The following LYRM4 variants were observed in gnomAD, a reference collection of about 807,000 sequenced individuals.
The protein encoded by LYRM4 is LYR motif-containing protein 4.
Under a neutral mutation model 11.7 loss-of-function variants are expected in LYRM4, and 9 were observed. The ratio of observed to expected loss-of-function variants is 0.77; its 90% CI spans 0.46 to 1.34. The LOEUF is 1.34. Among genes scored for constraint, LYRM4 ranks in the 40% most tolerant of loss-of-function variants. The probability of loss-of-function intolerance (pLI) is 0.00; values close to 1 mark genes in which losing one functional copy is unlikely to be tolerated. For missense variants in LYRM4, 133 were observed against 112.5 expected (o/e 1.18, Z -0.82); for synonymous variants, 42 against 40.4 (o/e 1.04, Z -0.15).
At position 5,260,689 on chromosome 6, in the gene LYRM4, C is replaced by T; in HGVS notation, c.45G>A (p.Ala15=). The T allele has an allele frequency of 9.7e-6, 15 of 1,550,434 alleles. No individual in the cohort carries two copies. The highest frequency in any genetic ancestry group is 1.2e-5 in the Non-Finnish European group (14 of 1,148,226). ...TGAAACGCTTGCTCTCTCTCAGCAT[C>T]GCCCGGTACAGAGATAACACTTGTG... The part of the protein sequence containing the change: ...SRAQVLSLYR[A]MLRESKRFSA... The change falls in exon 1 of 3, where the codon GCG becomes GCA. Residue 15 remains alanine (A), a synonymous_variant. Coordinates refer to ENST00000330636, the MANE Select transcript of LYRM4 (RefSeq NM_020408.6).
At position 5,109,304 on chromosome 6, in the gene LYRM4, C is replaced by T. The variant is rs1581280523; in HGVS notation, c.*119G>A. The T allele has an allele frequency of 1.3e-6, 2 of 1,551,594 alleles. No homozygotes were observed. The highest frequency in any genetic ancestry group is 1.4e-5 in the African/African-American group (1 of 73,372). ...GCAAATGTGACTTGGTTTATCAGCTCCCACAGGACAGGCAGCGCAAAAGGC... is the reference window on the plus strand; with the variant it reads ...GCAAATGTGACTTGGTTTATCAGCTTCCACAGGACAGGCAGCGCAAAAGGC... On this transcript the variant is annotated 3_prime_UTR_variant, in exon 3 of 3. Coordinates refer to ENST00000330636, the MANE Select transcript of LYRM4 (RefSeq NM_020408.6).
rs561947030 is a variant in LYRM4, at chr6:5,175,834, G to C, written c.207+40784C>G. ...ACCAAGTAGGAAGTCGCACTGCTCTGAGGCTACCACGATGTGAGGAAGCCC... is the reference window on the plus strand; with the variant it reads ...ACCAAGTAGGAAGTCGCACTGCTCTCAGGCTACCACGATGTGAGGAAGCCC... On this transcript the variant is annotated intron_variant, in intron 2 of 2. Coordinates refer to ENST00000330636, the MANE Select transcript of LYRM4 (RefSeq NM_020408.6). Among the ~76,000 whole-genome samples the C allele has an allele frequency of 2.0e-5, 3 of 152,250 alleles. No individual in the cohort carries two copies. In the East Asian group the frequency reaches 5.8e-4, roughly 29 times the overall value.
At chr6:5,172,106 T>C (rs959102187) in intron 2 of LYRM4, among the ~76,000 whole-genome samples, 2 of 152,140 alleles carry the variant, frequency 1.3e-5, no homozygotes, top group Non-Finnish European at 2.9e-5. Flanking sequence ...CCTCACAGGC[T>C]GCATTCAGGA....
the LYRM4 span, chr6:5,066,869 C>G: frequency 1.0e-6 from 1 of 957,696 alleles, no homozygotes; most frequent in East Asian, 2.5e-5. Context: ...GGCGGTTCCT[C>G]GCCGGCAAGT....
chr6:5,068,228 AG>A, the LYRM4 span, among the ~76,000 whole-genome samples: 1 of 152,248 alleles, frequency 6.6e-6, no homozygotes, highest in African/African-American at 2.4e-5. This position sits in a 1 kb window ranked among gnomAD's most constrained non-coding sequence, Gnocchi z 4.0. Flanking sequence ...AGGTCAAAGT[AG>A]AAGTCAGTTT....
rs1185051280 is a variant in LYRM4 at position 5,164,822 on chromosome 6, G to C, written c.207+51796C>G. ...GTCTCTACTAAAAATTTAAAAATTA[G>C]CTGGGTGTGGTGGTACACACCTGTG... On this transcript the variant is annotated intron_variant, in intron 2 of 2. Coordinates refer to ENST00000330636, the MANE Select transcript of LYRM4 (RefSeq NM_020408.6). Among the ~76,000 whole-genome samples the C allele has an allele frequency of 6.6e-5, 10 of 152,174 alleles. No homozygotes were observed. The East Asian group carries it at 9.7e-4, about 15-fold the overall frequency.
chr6:5,245,536 T>C (rs1251353067), intron 1 of LYRM4, among the ~76,000 whole-genome samples: 1 of 152,076 alleles, frequency 6.6e-6, no homozygotes, highest in African/African-American at 2.4e-5. Flanking sequence ...GCATACGGTG[T>C]CTGGAAGACA....
At chr6:5,086,331 G>T in the LYRM4 span, 3 of 1,535,806 alleles carry the variant, frequency 2.0e-6, no homozygotes, top group Non-Finnish European at 2.6e-6. Flanking sequence ...CACCGTCTGG[G>T]GCCTCCGAGC....
chr6:5,082,646 A>G, the LYRM4 span, among the ~76,000 whole-genome samples: 1 of 152,188 alleles, frequency 6.6e-6, no homozygotes, highest in African/African-American at 2.4e-5. Flanking sequence ...GCTCACTCAC[A>G]TTGTTTCTGT....
chr6:5,112,613 TG>T (rs1762934377), intron 2 of LYRM4, among the ~76,000 whole-genome samples: 2 of 152,198 alleles, frequency 1.3e-5, no homozygotes, highest in South Asian at 4.1e-4. Context: ...GACTTTCAGA[TG>T]TGATCAATGG....
chr6:5,102,095 A>AT (rs539153166), downstream of LYRM4, among the ~76,000 whole-genome samples: 85 of 143,590 alleles, frequency 5.9e-4, no homozygotes, highest in African/African-American at 1.6e-3. Context: ...ACCTGGCCTG[A>AT]TTTTTTTTTT....
intron 2 of LYRM4, among the ~76,000 whole-genome samples, chr6:5,123,310 G>T (rs1763547257): frequency 6.6e-6 from 1 of 152,212 alleles, no homozygotes; most frequent in South Asian, 2.1e-4. Context: ...ATGGAGAGTG[G>T]AGGTGAGAGA....
At chr6:5,178,086 T>G (rs943180774) in intron 2 of LYRM4, among the ~76,000 whole-genome samples, 1 of 152,162 alleles carries the variant, frequency 6.6e-6, no homozygotes, top group African/African-American at 2.4e-5. Context: ...TGACTAAAAT[T>G]GTCTTTTCAT....
the LYRM4 span, among the ~76,000 whole-genome samples, chr6:5,036,482 C>T: frequency 6.6e-6 from 1 of 152,148 alleles, no homozygotes; most frequent in South Asian, 2.1e-4. Flanking sequence ...ATGTGCTGCT[C>T]CAGGAGCTGG....
At chr6:5,051,696 T>C in the LYRM4 span, among the ~76,000 whole-genome samples, 1 of 152,234 alleles carries the variant, frequency 6.6e-6, no homozygotes, top group African/African-American at 2.4e-5. Context: ...TGTGTGTTGC[T>C]ATAAAGAATG....
intron 1 of LYRM4, among the ~76,000 whole-genome samples, chr6:5,249,040 G>A (rs1448019390): frequency 1.3e-5 from 2 of 152,224 alleles, no homozygotes; most frequent in Non-Finnish European, 2.9e-5. Flanking sequence ...CAAAGTGACG[G>A]TTAGCTATGA....
the LYRM4 span, chr6:5,086,769 G>T: frequency 1.7e-6 from 1 of 585,344 alleles, no homozygotes; most frequent in Non-Finnish European, 3.0e-6. Flanking sequence ...GCAATGCTCC[G>T]AAAGCCTCTG....
chr6:5,127,076 A>AGTAGCTGGGTCATCCCAT (rs1763730337), intron 2 of LYRM4, among the ~76,000 whole-genome samples: 1 of 152,142 alleles, frequency 6.6e-6, no homozygotes. Context: ...CAACATCCCA[A>AGTAGCTGGGTCATCCCAT]GTAGCTGGGT....
intron 1 of LYRM4, among the ~76,000 whole-genome samples, chr6:5,237,398 C>T (rs1763613474): frequency 6.6e-6 from 1 of 151,830 alleles, no homozygotes; most frequent in Non-Finnish European, 1.5e-5. Context: ...CCCAGAGGGA[C>T]CCATCTAGTT....
Sources: allele counts gnomAD v4.1 joint callset (sites outside exome capture counted in the v4.1 genomes callset), GRCh38; gene constraint gnomAD v4.1.1; non-coding constraint Gnocchi (gnomAD v3.1); transcripts MANE v1.5; gene names NCBI Gene and HGNC (gene_info 2026-07-23, HGNC 2026-07-21).